Variants in KCNH1 observed in about 807,000 individuals in gnomAD.
KCNH1 encodes the protein potassium voltage-gated channel subfamily H member 1, also known as voltage-gated delayed rectifier potassium channel KCNH1.
A neutral mutation model predicts 69.2 loss-of-function variants in KCNH1; 27 were observed. The ratio of observed to expected loss-of-function variants is 0.39; its 90% CI spans 0.29 to 0.54. KCNH1 has a LOEUF of 0.54. Among genes scored for constraint, KCNH1 ranks in the 20% least tolerant of loss-of-function variants. The pLI is 0.68. For missense variants in KCNH1, 798 were observed against 1,261.6 expected (o/e 0.63, Z 5.57); for synonymous variants, 456 against 487.7 (o/e 0.93, Z 0.86).
intron 7 of KCNH1, among the ~76,000 whole-genome samples, chr1:210,807,742 A>T (rs1184123488): frequency 6.6e-6 from 1 of 152,202 alleles, no homozygotes; most frequent in Non-Finnish European, 1.5e-5. Context: ...GCATGTTTCA[A>T]TAGTTCCTTC....
At chr1:210,842,262 T>C (rs1275029300) in intron 7 of KCNH1, among the ~76,000 whole-genome samples, 1 of 152,178 alleles carries the variant, frequency 6.6e-6, no homozygotes, top group Non-Finnish European at 1.5e-5. Flanking sequence ...GACATGAAAT[T>C]ATTCCTTTGA....
chr1:210,876,004 G>A (rs2102501264), intron 7 of KCNH1, among the ~76,000 whole-genome samples: 1 of 152,138 alleles, frequency 6.6e-6, no homozygotes, highest in East Asian at 1.9e-4. Flanking sequence ...TGAATAAATG[G>A]AGAAATAAAT....
intron 9 of KCNH1, among the ~76,000 whole-genome samples, chr1:210,785,628 G>T (rs766119276): frequency 6.6e-6 from 1 of 152,080 alleles, no homozygotes; most frequent in Non-Finnish European, 1.5e-5. Flanking sequence ...CTTGTGATCT[G>T]CCTGCCTCAG....
chr1:210,949,214 A>T (rs1346968004), intron 6 of KCNH1, among the ~76,000 whole-genome samples: 1 of 152,186 alleles, frequency 6.6e-6, no homozygotes, highest in African/African-American at 2.4e-5. Flanking sequence ...CTCAGATTCA[A>T]ACATGAGTCA....
chr1:211,000,292 G>A (rs910157552), intron 6 of KCNH1, among the ~76,000 whole-genome samples: 13 of 152,164 alleles, frequency 8.5e-5, no homozygotes, highest in Non-Finnish European at 1.6e-4. Flanking sequence ...ATCTCCTTAA[G>A]CTGATAAGCA....
chr1:210,982,038 G>C (rs1240022716), intron 6 of KCNH1, among the ~76,000 whole-genome samples: 1 of 151,880 alleles, frequency 6.6e-6, no homozygotes, highest in Non-Finnish European at 1.5e-5. Flanking sequence ...GAATCAATCA[G>C]GCAAGAACTA....
intron 6 of KCNH1, among the ~76,000 whole-genome samples, chr1:210,957,329 T>C (rs1688198325): frequency 6.6e-6 from 1 of 152,192 alleles, no homozygotes; most frequent in Non-Finnish European, 1.5e-5. Flanking sequence ...GTCCTTTATG[T>C]CCAATTATGT....
chr1:211,110,990 G>C (rs1180818907), intron 1 of KCNH1, among the ~76,000 whole-genome samples: 1 of 151,978 alleles, frequency 6.6e-6, no homozygotes, highest in African/African-American at 2.4e-5. Flanking sequence ...GCATAGAATG[G>C]TTATTTACAT....
At chr1:210,887,980 A>T (rs1019449422) in intron 7 of KCNH1, among the ~76,000 whole-genome samples, 1 of 152,176 alleles carries the variant, frequency 6.6e-6, no homozygotes, top group Non-Finnish European at 1.5e-5. Context: ...TTAACACCCC[A>T]TTGTCAATAT....
chr1:210,951,676 G>T (rs1365581559), intron 6 of KCNH1, among the ~76,000 whole-genome samples: 1 of 152,042 alleles, frequency 6.6e-6, no homozygotes, highest in Non-Finnish European at 1.5e-5. Flanking sequence ...TTCTGTAATG[G>T]TGTAATTTTA....
At chr1:211,002,155 AC>A (rs1558563024) in intron 6 of KCNH1, among the ~76,000 whole-genome samples, 2 of 151,950 alleles carry the variant, frequency 1.3e-5, no homozygotes, top group South Asian at 4.2e-4. Context: ...TATGTAACAA[AC>A]CTGCACGTTG....
At chr1:210,691,290 A>G (rs1681522499) in intron 10 of KCNH1, among the ~76,000 whole-genome samples, 2 of 152,184 alleles carry the variant, frequency 1.3e-5, no homozygotes, top group Admixed American at 6.6e-5. Flanking sequence ...GGGAAGAACA[A>G]TGTCTTTGTG....
At chr1:210,838,805 T>A (rs1050335631) in intron 7 of KCNH1, among the ~76,000 whole-genome samples, 1 of 151,966 alleles carries the variant, frequency 6.6e-6, no homozygotes, top group Non-Finnish European at 1.5e-5. Flanking sequence ...AAAAAACATA[T>A]GAAAAAAGCT....
chr1:210,906,410 C>T (rs1035135312), intron 7 of KCNH1, among the ~76,000 whole-genome samples: 13 of 152,144 alleles, frequency 8.5e-5, no homozygotes, highest in Non-Finnish European at 1.3e-4. Flanking sequence ...GCAGATATCA[C>T]GGTTCAACAC....
At chr1:210,807,793 A>G (rs1351124599) in intron 7 of KCNH1, among the ~76,000 whole-genome samples, 1 of 152,172 alleles carries the variant, frequency 6.6e-6, no homozygotes, top group Non-Finnish European at 1.5e-5. Context: ...TGGATGTACC[A>G]CAACCATTTC....
At chr1:210,878,527 C>T (rs1686429936) in intron 7 of KCNH1, among the ~76,000 whole-genome samples, 1 of 151,920 alleles carries the variant, frequency 6.6e-6, no homozygotes, top group African/African-American at 2.4e-5. Context: ...GGAGAATAAA[C>T]ATAACTCTAA....
At chr1:210,836,395 T>C (rs996469308) in intron 7 of KCNH1, among the ~76,000 whole-genome samples, 13 of 152,196 alleles carry the variant, frequency 8.5e-5, no homozygotes, top group African/African-American at 2.9e-4. Flanking sequence ...TCATTAAGCC[T>C]GCCAGGAAAT....
rs185994180 is a variant in KCNH1, at chr1:210,973,796, A to G, written c.1032+44987T>C. ...ACATCAACAAAATGATGTCTTAACCATTTCACTATTATGAGAATAGATTGT... is the reference window on the plus strand; with the variant it reads ...ACATCAACAAAATGATGTCTTAACCGTTTCACTATTATGAGAATAGATTGT... On this transcript the variant is annotated intron_variant, in intron 6 of 10. Transcript: ENST00000271751. Among the ~76,000 whole-genome samples, 71 of 152,294 alleles carry G rather than the reference A, an allele frequency of 4.7e-4. 1 individual carries two copies. The highest frequency in any genetic ancestry group is 1.6e-3 in the African/African-American group (68 of 41,584).
At chr1:210,718,421 A>ATTTAATGCAT (rs59132358) in intron 10 of KCNH1, among the ~76,000 whole-genome samples, 1 of 66,168 alleles carries the variant, frequency 1.5e-5, no homozygotes. Context: ...GTATATATAT[A>ATTTAATGCAT]AAATATATAC....
Sources: allele counts gnomAD v4.1 joint callset (sites outside exome capture counted in the v4.1 genomes callset), GRCh38; gene constraint gnomAD v4.1.1; transcripts MANE v1.5; gene names NCBI Gene and HGNC (gene_info 2026-07-23, HGNC 2026-07-21).